MRPS9: variants seen among roughly 807,000 people sequenced by gnomAD.
MRPS9 encodes small ribosomal subunit protein uS9m.
A neutral mutation model predicts 59.9 loss-of-function variants in MRPS9; 45 were observed. The ratio of observed to expected loss-of-function variants is 0.75; its 90% confidence interval spans 0.59 to 0.96. The LOEUF is 0.96. Among genes scored for constraint, MRPS9 ranks in the 40% least tolerant of loss-of-function variants. The probability of loss-of-function intolerance (pLI) is 0.00; values close to 1 mark genes in which losing one functional copy is unlikely to be tolerated. For synonymous variants in MRPS9, 171 were observed against 166.8 expected (o/e 1.03, Z -0.19); for missense variants, 473 against 481.1 (o/e 0.98, Z 0.16).
At chr2:105,065,227 G>A (rs1178458249) in intron 2 of MRPS9, among the ~76,000 whole-genome samples, 1 of 152,110 alleles carries the variant, frequency 6.6e-6, no homozygotes, top group African/African-American at 2.4e-5. Context: ...TAAATAGCTG[G>A]ATATCCTTGA....
At chr2:105,060,882 C>T (rs547177194) in intron 2 of MRPS9, among the ~76,000 whole-genome samples, 241 of 151,498 alleles carry the variant, frequency 1.6e-3, no homozygotes, top group African/African-American at 5.5e-3. Context: ...GAGGCCGAGG[C>T]GGGCAGATCA....
rs1680033706 is a variant in MRPS9 at position 105,067,888 on chromosome 2, T to TG, written c.316-3424dup. On this transcript the variant is annotated intron_variant, in intron 2 of 10. Coordinates refer to ENST00000258455, the MANE Select transcript of MRPS9 (RefSeq NM_182640.3). Reference sequence around the variant, plus strand: ...CATCAACCAGGCTATAGTGTAGTGATGCTGTCATAGCTCACTGCAGACTTG... The same window carrying TG: ...CATCAACCAGGCTATAGTGTAGTGATGGCTGTCATAGCTCACTGCAGACTTG... 2.6e-5 allele frequency among the ~76,000 whole-genome samples: 4 copies of TG among 152,332 alleles called. No homozygotes were observed. In the South Asian group the frequency reaches 8.3e-4, roughly 32 times the overall value.
At chr2:105,059,871 G>C (rs1413176978) in intron 2 of MRPS9, among the ~76,000 whole-genome samples, 9 of 151,946 alleles carry the variant, frequency 5.9e-5, no homozygotes, top group Admixed American at 5.2e-4. Context: ...TGAACAGATA[G>C]GTTAACATTA....
At chr2:105,096,660 T>G (rs1241913451) in intron 9 of MRPS9, among the ~76,000 whole-genome samples, 1 of 152,196 alleles carries the variant, frequency 6.6e-6, no homozygotes, top group Non-Finnish European at 1.5e-5. Flanking sequence ...GAAAATAGTT[T>G]TAGAAACTTT....
chr2:105,049,397 G>A (rs1335388698), intron 2 of MRPS9, 47 bp downstream of exon 2: 1 of 1,526,050 alleles, frequency 6.6e-7, no homozygotes, highest in East Asian at 2.3e-5. Flanking sequence ...TAGAGTTTTA[G>A]ATATTAAAAG....
chr2:105,083,566 T>C (rs866306466), intron 5 of MRPS9, among the ~76,000 whole-genome samples: 1 of 152,236 alleles, frequency 6.6e-6, no homozygotes, highest in African/African-American at 2.4e-5. Context: ...AAACTCATAA[T>C]GGGAGGGGAT....
intron 2 of MRPS9, among the ~76,000 whole-genome samples, chr2:105,050,965 A>G (rs1381443443): frequency 1.3e-5 from 2 of 152,232 alleles, no homozygotes; most frequent in African/African-American, 2.4e-5. Flanking sequence ...GTATGGATAT[A>G]CCACATTTTA....
chr2:105,040,604 ACTACCTC>A (rs963103209), intron 1 of MRPS9, among the ~76,000 whole-genome samples: 27 of 152,332 alleles, frequency 1.8e-4, no homozygotes, highest in African/African-American at 6.0e-4. Flanking sequence ...TCACTAGCAG[ACTACCTC>A]TTGCATAGCA....
chr2:105,096,233 C>G (rs902423330), intron 9 of MRPS9, among the ~76,000 whole-genome samples: 1 of 151,988 alleles, frequency 6.6e-6, no homozygotes, highest in African/African-American at 2.4e-5. Context: ...AATGTCCTGT[C>G]CATACCTGTC....
At chr2:105,084,007 G>A (rs1307690340) in intron 5 of MRPS9, among the ~76,000 whole-genome samples, 1 of 151,996 alleles carries the variant, frequency 6.6e-6, no homozygotes, top group African/African-American at 2.4e-5. Flanking sequence ...TAAAGTCCTA[G>A]TTTTACGACT....
At chr2:105,050,818 G>A (rs929147228) in intron 2 of MRPS9, among the ~76,000 whole-genome samples, 5 of 152,002 alleles carry the variant, frequency 3.3e-5, no homozygotes, top group Admixed American at 1.3e-4. Context: ...TGCCTACCCC[G>A]GACTTTCATA....
At chr2:105,084,861 C>T (rs12613374) in intron 5 of MRPS9, among the ~76,000 whole-genome samples, 30,212 of 151,850 alleles carry the variant, frequency 0.2, 3,134 homozygotes, top group Middle Eastern at 0.34. Flanking sequence ...ATCTGGTATG[C>T]TCCAAGTGTA....
At chr2:105,077,815 A>C (rs555019890) in intron 4 of MRPS9, among the ~76,000 whole-genome samples, 48 of 152,342 alleles carry the variant, frequency 3.2e-4, no homozygotes, top group Middle Eastern at 3.4e-3. Flanking sequence ...ATCAGAAGTG[A>C]AAATCTGAAC....
chr2:105,061,029 G>A (rs746335744), intron 2 of MRPS9, among the ~76,000 whole-genome samples: 1 of 139,822 alleles, frequency 7.2e-6, no homozygotes, highest in Non-Finnish European at 1.5e-5. Context: ...AGAATGGCGT[G>A]AACCCGGGAG....
rs912159781 is a variant in MRPS9, at chr2:105,079,045, C to T, written c.410-938C>T. 6.0e-5 allele frequency among the ~76,000 whole-genome samples: 9 copies of T among 151,200 alleles called. No homozygotes were observed. The South Asian group carries it at 1.0e-3, about 18-fold the overall frequency. On this transcript the variant is annotated intron_variant, in intron 4 of 10. Transcript: ENST00000258455. ...GTGGTATTAACATTTCATGCGGGGG[C>T]GGAAATTAGGGAGAAAATGCCTATA...
chr2:105,047,805 A>G (rs999727048), intron 1 of MRPS9, among the ~76,000 whole-genome samples: 4 of 152,046 alleles, frequency 2.6e-5, no homozygotes, highest in Non-Finnish European at 4.4e-5. Flanking sequence ...GGAAATTCCT[A>G]GTGCCACAGC....
At chr2:105,069,609 T>G (rs1680075571) in intron 2 of MRPS9, among the ~76,000 whole-genome samples, 1 of 152,256 alleles carries the variant, frequency 6.6e-6, no homozygotes, top group Non-Finnish European at 1.5e-5. Context: ...TCATGTCATA[T>G]GTGAGTATTT....
chr2:105,075,599 G>T (rs1680193339), intron 4 of MRPS9, among the ~76,000 whole-genome samples: 1 of 152,056 alleles, frequency 6.6e-6, no homozygotes, highest in South Asian at 2.1e-4. Context: ...ATCAAATCTG[G>T]ACATAAATTT....
At chr2:105,090,501 G>C (rs193048146) in intron 7 of MRPS9, among the ~76,000 whole-genome samples, 4 of 146,358 alleles carry the variant, frequency 2.7e-5, no homozygotes, top group African/African-American at 1.0e-4. Flanking sequence ...TGAAATGCTG[G>C]TTACAAACTA....
Sources: allele counts gnomAD v4.1 joint callset (sites outside exome capture counted in the v4.1 genomes callset), GRCh38; gene constraint gnomAD v4.1.1; transcripts MANE v1.5; gene names NCBI Gene and HGNC (gene_info 2026-07-23, HGNC 2026-07-21).